GRID2: variants seen among roughly 807,000 people sequenced by gnomAD.
GRID2 encodes the protein glutamate ionotropic receptor delta type subunit 2.
GRID2 carries 33 observed loss-of-function variants against 114.8 expected under a neutral mutation model. The ratio of observed to expected loss-of-function variants is 0.29; its 90% CI spans 0.22 to 0.38. The LOEUF is 0.38. GRID2 is among the 10% of genes least tolerant of loss of function. The pLI is 1.00. For synonymous variants in GRID2, 505 were observed against 449.9 expected (o/e 1.12, Z -1.55); for missense variants, 1,184 against 1,257.7 (o/e 0.94, Z 0.89).
chr4:93,110,720 T>C, intron 3 of GRID2, 28 bp from the exon 4 acceptor site: 1 of 1,413,068 alleles, frequency 7.1e-7, no homozygotes, highest in Non-Finnish European at 1.0e-6. Flanking sequence ...AATTCACAGG[T>C]ATTTTGATGG....
chr4:92,561,373 T>G (rs1215217419), intron 1 of GRID2, among the ~76,000 whole-genome samples: 1 of 152,230 alleles, frequency 6.6e-6, no homozygotes, highest in Non-Finnish European at 1.5e-5. Context: ...CTTACTTCCA[T>G]GGCTTAATAA....
At chr4:92,889,006 A>G (rs952129498) in intron 2 of GRID2, among the ~76,000 whole-genome samples, 1 of 152,096 alleles carries the variant, frequency 6.6e-6, no homozygotes, top group African/African-American at 2.4e-5. Flanking sequence ...CTTTAGATTT[A>G]AAATTGAAAC....
chr4:93,173,510 T>A (rs1560951819), intron 4 of GRID2, among the ~76,000 whole-genome samples: 1 of 152,196 alleles, frequency 6.6e-6, no homozygotes, highest in Non-Finnish European at 1.5e-5. Context: ...TAAAGATTTT[T>A]AAATTTGATA....
chr4:93,490,368 G>T (rs1399188674), intron 11 of GRID2, among the ~76,000 whole-genome samples: 1 of 151,780 alleles, frequency 6.6e-6, no homozygotes, highest in East Asian at 1.9e-4. Flanking sequence ...ATAATAAAAG[G>T]TAATTAATTA....
At chr4:93,259,719 A>G (rs1008604291) in intron 8 of GRID2, among the ~76,000 whole-genome samples, 1 of 151,830 alleles carries the variant, frequency 6.6e-6, no homozygotes, top group African/African-American at 2.4e-5. Flanking sequence ...TTCAAAAACT[A>G]TGTTTTTTCA....
rs769078087 is a variant in GRID2, at chr4:92,396,391, G to A, written c.88+91647G>A. 3.6e-4 allele frequency among the ~76,000 whole-genome samples: 55 copies of A among 151,890 alleles called. 1 individual carries two copies. Among genetic ancestry groups the A allele is most frequent in the Non-Finnish European group, 2.9e-5 (2 of 67,836 alleles). On this transcript the variant is annotated intron_variant, in intron 1 of 15. Transcript: ENST00000282020. ...AAATTCAGCGAAACAAATGTTTGCC[G>A]ATTGCTTTTTGTAAGTACCTCTGAT...
At chr4:93,207,865 A>G (rs898914096) in intron 5 of GRID2, among the ~76,000 whole-genome samples, 1 of 152,040 alleles carries the variant, frequency 6.6e-6, no homozygotes. Context: ...AAAGTTCAGC[A>G]TATGAATATG....
intron 10 of GRID2, among the ~76,000 whole-genome samples, chr4:93,439,783 ATG>A (rs1417842172): frequency 6.6e-6 from 1 of 151,964 alleles, no homozygotes; most frequent in Non-Finnish European, 1.5e-5. Flanking sequence ...GAACCTGAGA[ATG>A]TGATGAGTTG....
chr4:92,324,789 G>T (rs1200408012), intron 1 of GRID2, among the ~76,000 whole-genome samples: 2 of 151,852 alleles, frequency 1.3e-5, no homozygotes, highest in Admixed American at 1.3e-4. Flanking sequence ...ACCAGGACTG[G>T]TTTGTTGAAG....
intron 2 of GRID2, among the ~76,000 whole-genome samples, chr4:92,732,866 C>T (rs886802983): frequency 7.2e-5 from 11 of 152,006 alleles, no homozygotes. Flanking sequence ...TGTGCTTTTG[C>T]ATTTGTCGTT....
chr4:92,508,545 G>GAGC (rs1341227691), intron 1 of GRID2, among the ~76,000 whole-genome samples: 9 of 151,998 alleles, frequency 5.9e-5, no homozygotes, highest in African/African-American at 2.2e-4. Flanking sequence ...CAATATAAAG[G>GAGC]AGCAAAGATC....
chr4:92,936,502 GA>G (rs1750677996), intron 2 of GRID2, among the ~76,000 whole-genome samples: 1 of 145,818 alleles, frequency 6.9e-6, no homozygotes, highest in Non-Finnish European at 1.5e-5. Context: ...TTCCCATTGT[GA>G]AAATTTTTTC....
chr4:93,792,392 C>T (rs527503175), intron 1 of GRID2, among the ~76,000 whole-genome samples: 25 of 152,238 alleles, frequency 1.6e-4, no homozygotes, highest in African/African-American at 5.8e-4. Context: ...GTTCATCTCA[C>T]TAAGCCACTT....
chr4:93,562,045 A>C (rs967017746), intron 13 of GRID2, among the ~76,000 whole-genome samples: 33 of 152,248 alleles, frequency 2.2e-4, no homozygotes, highest in Non-Finnish European at 4.3e-4. Context: ...GTAAACACCA[A>C]GGAGTGCAAT....
intron 8 of GRID2, among the ~76,000 whole-genome samples, chr4:93,378,901 A>T (rs1466489678): frequency 1.3e-5 from 2 of 152,100 alleles, no homozygotes; most frequent in African/African-American, 2.4e-5. Flanking sequence ...TGGATAGAAC[A>T]TCCCTGTACA....
chr4:93,557,518 C>A (rs1734440192), intron 13 of GRID2, among the ~76,000 whole-genome samples: 1 of 152,142 alleles, frequency 6.6e-6, no homozygotes, highest in African/African-American at 2.4e-5. Flanking sequence ...GTAAAGGAAT[C>A]AATGCAACAA....
At chr4:92,675,421 G>GT (rs1733294505) in intron 2 of GRID2, among the ~76,000 whole-genome samples, 1 of 152,066 alleles carries the variant, frequency 6.6e-6, no homozygotes, top group East Asian at 1.9e-4. Flanking sequence ...TCTGTGACTG[G>GT]TTCCCTCCTC....
At chr4:93,444,797 C>T (rs1348431337) in intron 10 of GRID2, among the ~76,000 whole-genome samples, 2 of 151,860 alleles carry the variant, frequency 1.3e-5, no homozygotes, top group African/African-American at 4.8e-5. Context: ...GATTACATTA[C>T]ATTATGATAA....
At chr4:93,053,103 T>C (rs1332104448) in intron 2 of GRID2, among the ~76,000 whole-genome samples, 1 of 152,026 alleles carries the variant, frequency 6.6e-6, no homozygotes, top group Non-Finnish European at 1.5e-5. Flanking sequence ...CACTCTACTA[T>C]TACTGAAGCA....
Sources: gnomAD v4.1 joint callset for allele counts (sites outside exome capture counted in the v4.1 genomes callset) on GRCh38, gnomAD v4.1.1 for gene constraint, MANE v1.5 for transcripts, NCBI Gene and HGNC (gene_info 2026-07-23, HGNC 2026-07-21) for gene names.